The following WDR5 variants were observed in gnomAD, a reference collection of about 807,000 sequenced individuals.
WDR5 encodes WD repeat-containing protein 5.
For missense variants in WDR5, 187 were observed against 416.9 expected, an observed-to-expected ratio of 0.45 and a Z score of 4.80; for synonymous variants, 144 against 161.6, an observed-to-expected ratio of 0.89 and a Z score of 0.83.
intron 4 of WDR5, 73 bp downstream of exon 4, chr9:134,141,656 C>T (rs888555211): frequency 6.9e-7 from 1 of 1,455,060 alleles, no homozygotes. Flanking sequence ...GTCAGGGCTG[C>T]TTCGAGAGCT....
At position 134,158,700 on chromosome 9, in the gene WDR5, G is replaced by A. The variant is rs1454261930; in HGVS notation, c.*707G>A. The A allele has an allele frequency of 1.3e-5, 2 of 152,268 alleles. No individual in the cohort carries two copies. The highest frequency in any genetic ancestry group is 1.9e-4 in the East Asian group (1 of 5,194). The allele number at this position is 152,268 out of a possible 1,614,324, so 9.4% of individuals were successfully genotyped here. On this transcript the variant is annotated 3_prime_UTR_variant, in exon 14 of 14. Coordinates refer to ENST00000358625, the MANE Select transcript of WDR5 (RefSeq NM_017588.3). ...GGTTTTGTGAATGGTTGTGGCAAGT[G>A]CGTCCTTGTGAAGCTCGTCTCCATG...
At chr9:134,153,575 G>T (rs1334811968) in intron 9 of WDR5, among the ~76,000 whole-genome samples, 1 of 152,248 alleles carries the variant, frequency 6.6e-6, no homozygotes, top group Non-Finnish European at 1.5e-5. Context: ...CCCTGAGGGA[G>T]GGACCGCATG....
chr9:134,140,899 C>T (rs1831851592), intron 3 of WDR5, 88 bp downstream of exon 3: 1 of 1,313,504 alleles, frequency 7.6e-7, no homozygotes, highest in Non-Finnish European at 1.1e-6. Flanking sequence ...GCTTCCTCAC[C>T]TACCGCTGGG....
At chr9:134,156,404 G>A (rs1249916649) in intron 12 of WDR5, 102 bp from the exon 13 acceptor site, 4 of 1,187,104 alleles carry the variant, frequency 3.4e-6, no homozygotes, top group Non-Finnish European at 4.9e-6. Flanking sequence ...CACCAGCAGG[G>A]TGGGCGTGGG....
chr9:134,143,957 A>G (rs191821000), intron 7 of WDR5, among the ~76,000 whole-genome samples: 400 of 152,358 alleles, frequency 2.6e-3, no homozygotes, highest in Non-Finnish European at 3.8e-3. Context: ...TTCTTGGCCA[A>G]TCCTGCCCTT....
intron 7 of WDR5, among the ~76,000 whole-genome samples, chr9:134,144,395 T>C (rs1317047015): frequency 6.6e-6 from 1 of 152,178 alleles, no homozygotes; most frequent in Non-Finnish European, 1.5e-5. Flanking sequence ...TGAAGTAACC[T>C]GAGAAAGGGG....
intron 7 of WDR5, among the ~76,000 whole-genome samples, chr9:134,145,937 C>CTTTTTTTTTTTTTGTTTTTTTTTTT (rs1832170618): frequency 7.2e-6 from 1 of 139,394 alleles, no homozygotes; most frequent in Non-Finnish European, 1.5e-5. Flanking sequence ...TTCTTTCTTT[C>CTTTTTTTTTTTTTGTTTTTTTTTTT]TTTTTTTTTT....
intron 7 of WDR5, among the ~76,000 whole-genome samples, chr9:134,143,619 C>T (rs568727882): frequency 1.3e-5 from 2 of 151,936 alleles, no homozygotes; most frequent in Admixed American, 6.5e-5. Flanking sequence ...CTCCGCCTCC[C>T]GGGTTCATGC....
intron 7 of WDR5, among the ~76,000 whole-genome samples, chr9:134,144,175 C>G (rs534581480): frequency 5.3e-5 from 8 of 152,226 alleles, no homozygotes; most frequent in Non-Finnish European, 1.0e-4. Flanking sequence ...GTCTGAGCCC[C>G]GCACATAGCT....
intron 10 of WDR5, 129 bp from the exon 11 acceptor site, chr9:134,155,211 G>T: frequency 8.8e-7 from 1 of 1,133,414 alleles, no homozygotes; most frequent in Non-Finnish European, 1.2e-6. Context: ...GATGGGGAAG[G>T]GGGTTCCAGC....
chr9:134,157,814 A>G lies in WDR5; in HGVS notation c.905-79A>G. 1 of 1,397,010 alleles carries G rather than the reference A, an allele frequency of 7.2e-7. No individual in the cohort carries two copies. Among genetic ancestry groups the G allele is most frequent in the Non-Finnish European group, 1.0e-6 (1 of 991,180 alleles). 86.5% of individuals were successfully genotyped at this position (1,397,010 alleles called of 1,614,324 possible). On this transcript the variant is annotated intron_variant, in intron 13 of 13. Coordinates refer to ENST00000358625, the MANE Select transcript of WDR5 (RefSeq NM_017588.3). The surrounding 1 kb of genome is among the most constrained non-coding windows in gnomAD (Gnocchi z 5.0). ...AGGCGCTACCCGCGTTTCTGGAGAA[A>G]GGTGGAGCTCAGTCTGGGATGGCGT...
rs1216898343 is a variant in WDR5, at chr9:134,141,690, C to T, written c.264+107C>T. ...CTGTGGGTTCAGGTTTTAAGTTTTC[C>T]CCGTTTTTTAATTTTTTTATAGTTA... On this transcript the variant is annotated intron_variant, in intron 4 of 13. Transcript: ENST00000358625. 4 of 1,244,634 alleles carry T rather than the reference C, an allele frequency of 3.2e-6. No homozygotes were observed. In the African/African-American group the frequency reaches 4.6e-5, roughly 14 times the overall value. 77.1% of individuals were successfully genotyped at this position (1,244,634 alleles called of 1,614,324 possible).
intron 9 of WDR5, among the ~76,000 whole-genome samples, chr9:134,152,753 C>T (rs1832559768): frequency 6.6e-6 from 1 of 152,214 alleles, no homozygotes; most frequent in Non-Finnish European, 1.5e-5. Flanking sequence ...TCTGTCATAG[C>T]CTGCTGGCCT....
Position 134,153,596 on chromosome 9 carries a change from G to A in WDR5, c.632-870G>A, listed in dbSNP as rs555268053. Among the ~76,000 whole-genome samples the A allele has an allele frequency of 2.5e-3, 375 of 152,366 alleles. 2 individuals carry two copies. Among genetic ancestry groups the A allele is most frequent in the Non-Finnish European group, 4.4e-3 (297 of 68,034 alleles). On this transcript the variant is annotated intron_variant, in intron 9 of 13. Transcript: ENST00000358625. ...GGGAGGGACCGCATGGCCTCACAGCGTCTCCCGTGCCTTTTCAGTGTATGT... is the reference window on the plus strand; with the variant it reads ...GGGAGGGACCGCATGGCCTCACAGCATCTCCCGTGCCTTTTCAGTGTATGT...
rs781165483 is a variant in WDR5, at chr9:134,159,924, TA to T, written c.*1936del. 2 of 152,270 alleles carry T rather than the reference TA, an allele frequency of 1.3e-5. No homozygotes were observed. The highest frequency in any genetic ancestry group is 2.9e-5 in the Non-Finnish European group (2 of 68,042). 9.4% of individuals were successfully genotyped at this position (152,270 alleles called of 1,614,324 possible). On this transcript the variant is annotated 3_prime_UTR_variant, in exon 14 of 14. Coordinates refer to ENST00000358625, the MANE Select transcript of WDR5 (RefSeq NM_017588.3). The surrounding 1 kb of genome is among the most constrained non-coding windows in gnomAD (Gnocchi z 4.3). ...ATTTGAATTCTGTTGTAGATTTATG[TA>T]AAAATACATTCTTTTTGAAAATAAA...
intron 4 of WDR5, 76 bp downstream of exon 4, chr9:134,141,659 C>T (rs1047761307): frequency 4.1e-6 from 6 of 1,446,446 alleles, no homozygotes; most frequent in African/African-American, 1.4e-5. Flanking sequence ...AGGGCTGCTT[C>T]GAGAGCTGTG....
rs56864188 is a variant in WDR5, at chr9:134,145,096, G to GTTTTTTTTTTT, written c.528+2387_528+2397dup. Among the ~76,000 whole-genome samples the GTTTTTTTTTTT allele has an allele frequency of 1.7e-3, 182 of 104,700 alleles. 10 individuals are homozygous for GTTTTTTTTTTT. Among genetic ancestry groups the GTTTTTTTTTTT allele is most frequent in the African/African-American group, 2.2e-3 (63 of 29,152 alleles). The allele number at this position is 104,700 out of a possible 152,430, so 68.7% of individuals were successfully genotyped here. ...ACTGCAGAGAGGTTTGTGGGGCTTT[G>GTTTTTTTTTTT]TTTTTTTTTTTTTTTTTTTTGAAAC... On this transcript the variant is annotated intron_variant, in intron 7 of 13. Transcript: ENST00000358625.
At chr9:134,142,989 G>A (rs1178695439) in intron 7 of WDR5, among the ~76,000 whole-genome samples, 1 of 152,180 alleles carries the variant, frequency 6.6e-6, no homozygotes, top group East Asian at 1.9e-4. Context: ...CAGACTTGGG[G>A]GCAGTGGCCA....
intron 5 of WDR5, 104 bp downstream of exon 5, chr9:134,142,142 T>A: frequency 2.7e-6 from 2 of 738,916 alleles, no homozygotes; most frequent in Non-Finnish European, 4.1e-6. Flanking sequence ...TCAGCGCTCC[T>A]CTCCAGGGAA....
Sources: allele counts gnomAD v4.1 joint callset (sites outside exome capture counted in the v4.1 genomes callset), GRCh38; gene constraint gnomAD v4.1.1; non-coding constraint Gnocchi (gnomAD v3.1); transcripts MANE v1.5; gene names NCBI Gene and HGNC (gene_info 2026-07-23, HGNC 2026-07-21).